The following TMEM232 variants were observed in gnomAD, a reference collection of about 807,000 sequenced individuals.
TMEM232 encodes the protein transmembrane protein 232.
Under a neutral mutation model 78.8 loss-of-function variants are expected in TMEM232, and 80 were observed. The observed-to-expected ratio is 1.01, with a 90% confidence interval of 0.85 to 1.22. The LOEUF (loss-of-function observed/expected upper bound fraction) is 1.22, where lower values mean the gene tolerates loss of function less well. Ranked by LOEUF, TMEM232 falls within the 50% of genes most tolerant of loss-of-function variation. The pLI is 0.00. For missense variants in TMEM232, 881 were observed against 742.2 expected (o/e 1.19, Z -2.17); for synonymous variants, 297 against 254.3 (o/e 1.17, Z -1.60).
chr5:110,581,561 A>T (rs1437264622), intron 10 of TMEM232, among the ~76,000 whole-genome samples: 1 of 151,984 alleles, frequency 6.6e-6, no homozygotes, highest in East Asian at 1.9e-4. Context: ...AACTATAAAA[A>T]TCCTAGAAGA....
chr5:110,457,568 T>G (rs1027842916), intron 12 of TMEM232, among the ~76,000 whole-genome samples: 1 of 152,078 alleles, frequency 6.6e-6, no homozygotes, highest in African/African-American at 2.4e-5. Context: ...TAGTGATATA[T>G]ATGGTCATCA....
chr5:110,620,526 T>C (rs1191537139), intron 7 of TMEM232, among the ~76,000 whole-genome samples: 2 of 151,308 alleles, frequency 1.3e-5, no homozygotes, highest in Admixed American at 6.6e-5. Flanking sequence ...AGATTCCTTC[T>C]AACACTCTCT....
At chr5:110,681,247 G>T (rs1792713920) in intron 1 of TMEM232, among the ~76,000 whole-genome samples, 1 of 152,178 alleles carries the variant, frequency 6.6e-6, no homozygotes, top group Admixed American at 6.5e-5. Context: ...GAGACTCCCA[G>T]TGATGCCTGC....
intron 13 of TMEM232, among the ~76,000 whole-genome samples, chr5:110,424,043 A>T (rs900493276): frequency 6.6e-6 from 1 of 152,152 alleles, no homozygotes; most frequent in Non-Finnish European, 1.5e-5. Context: ...AAAGCCCAAT[A>T]CTTATAGCTG....
intron 8 of TMEM232, among the ~76,000 whole-genome samples, chr5:110,606,508 C>T (rs185607937): frequency 4.6e-5 from 7 of 152,036 alleles, no homozygotes; most frequent in East Asian, 1.9e-4. Flanking sequence ...AGTGCTCTGA[C>T]GAATCTGAGT....
chr5:110,718,147 A>C (rs1043083100), intron 1 of TMEM232, among the ~76,000 whole-genome samples: 2 of 152,126 alleles, frequency 1.3e-5, no homozygotes, highest in African/African-American at 4.8e-5. Flanking sequence ...AAATCTACAT[A>C]TATTTGTTTG....
At chr5:110,401,568 T>C (rs989214515) in intron 2 of TMEM232, among the ~76,000 whole-genome samples, 7 of 152,052 alleles carry the variant, frequency 4.6e-5, no homozygotes, top group Non-Finnish European at 8.8e-5. Flanking sequence ...CTGTGGTAGC[T>C]TGTTCTGGCT....
chr5:110,451,363 G>A lies in TMEM232; in HGVS notation c.1704-26447C>T, dbSNP rs774681574. 6.0e-4 allele frequency among the ~76,000 whole-genome samples: 91 copies of A among 152,048 alleles called. 1 individual carries two copies. The highest frequency in any genetic ancestry group is 2.9e-5 in the Non-Finnish European group (2 of 68,004). On this transcript the variant is annotated intron_variant, in intron 12 of 13. Transcript: ENST00000455884. Reference sequence around the variant, plus strand: ...CCTGAAAATATGCCTTTTAGATGTTGCTGTTTTTAATGAATCCTGTTATTC... The same window carrying A: ...CCTGAAAATATGCCTTTTAGATGTTACTGTTTTTAATGAATCCTGTTATTC...
At chr5:110,537,736 G>A (rs955385112) in intron 11 of TMEM232, among the ~76,000 whole-genome samples, 1 of 152,220 alleles carries the variant, frequency 6.6e-6, no homozygotes, top group Non-Finnish European at 1.5e-5. Flanking sequence ...GAGCTGAGGG[G>A]CCAGTCCTAG....
At chr5:110,616,696 G>A (rs1277809222) in intron 8 of TMEM232, among the ~76,000 whole-genome samples, 1 of 152,084 alleles carries the variant, frequency 6.6e-6, no homozygotes, top group Non-Finnish European at 1.5e-5. Flanking sequence ...ACAGACATAT[G>A]AAAATGTGCT....
chr5:110,570,292 T>C (rs1304823805), intron 10 of TMEM232, among the ~76,000 whole-genome samples: 2 of 151,992 alleles, frequency 1.3e-5, no homozygotes, highest in East Asian at 3.9e-4. Flanking sequence ...TTAATATTTT[T>C]GCACTGAACA....
chr5:110,600,655 A>AT (rs1422760443), intron 10 of TMEM232, among the ~76,000 whole-genome samples: 1 of 152,156 alleles, frequency 6.6e-6, no homozygotes, highest in East Asian at 1.9e-4. Context: ...AAGTTCTGAA[A>AT]TTGAGGCAGT....
At chr5:110,686,567 TA>T (rs879660983) in intron 1 of TMEM232, among the ~76,000 whole-genome samples, 162 of 146,536 alleles carry the variant, frequency 1.1e-3, no homozygotes, top group Middle Eastern at 3.5e-3. Context: ...TGCGAGTTGA[TA>T]AAAAAAAAAA....
chr5:110,623,383 T>C (rs956602898), intron 7 of TMEM232, among the ~76,000 whole-genome samples: 1 of 152,288 alleles, frequency 6.6e-6, no homozygotes, highest in South Asian at 2.1e-4. Context: ...GGCCAAAGTA[T>C]AGTGCTATGG....
intron 12 of TMEM232, among the ~76,000 whole-genome samples, chr5:110,470,289 G>A (rs1410697892): frequency 3.3e-5 from 5 of 152,108 alleles, no homozygotes; most frequent in African/African-American, 1.2e-4. Flanking sequence ...CTGGGCACAA[G>A]CGCTAGAAGA....
At chr5:110,413,581 T>C (rs567971643) in intron 2 of TMEM232, among the ~76,000 whole-genome samples, 1 of 152,324 alleles carries the variant, frequency 6.6e-6, no homozygotes, top group East Asian at 1.9e-4. Context: ...ACCAAACTTA[T>C]CTTTCTAATT....
intron 2 of TMEM232, among the ~76,000 whole-genome samples, chr5:110,400,184 G>A (rs1020314290): frequency 3.3e-5 from 5 of 152,218 alleles, no homozygotes; most frequent in African/African-American, 1.2e-4. Flanking sequence ...GGTTGGTATA[G>A]CTAAGTGAAA....
At chr5:110,403,580 A>T (rs1300588475) in intron 2 of TMEM232, among the ~76,000 whole-genome samples, 1 of 152,070 alleles carries the variant, frequency 6.6e-6, no homozygotes, top group Non-Finnish European at 1.5e-5. Flanking sequence ...GATGCTGCAG[A>T]CCTGCTGCAA....
At chr5:110,518,553 A>T (rs370827796) in intron 12 of TMEM232, among the ~76,000 whole-genome samples, 4 of 152,200 alleles carry the variant, frequency 2.6e-5, no homozygotes, top group Non-Finnish European at 5.9e-5. Flanking sequence ...AAGACTACTA[A>T]AGCCAGCCTG....
Sources: gnomAD v4.1 joint callset for allele counts (sites outside exome capture counted in the v4.1 genomes callset) on GRCh38, gnomAD v4.1.1 for gene constraint, MANE v1.5 for transcripts, NCBI Gene and HGNC (gene_info 2026-07-23, HGNC 2026-07-21) for gene names.